SEC22C: variants seen among roughly 807,000 people sequenced by gnomAD.
The protein encoded by SEC22C is vesicle-trafficking protein SEC22c.
SEC22C carries 29 observed loss-of-function variants against 34.7 expected under a neutral mutation model. That is an observed-to-expected ratio of 0.84 (90% CI 0.62 to 1.14). The LOEUF is 1.14. Ranked by LOEUF, SEC22C falls within the 50% of genes most tolerant of loss-of-function variation. The pLI is 0.00. For synonymous variants in SEC22C, 117 were observed against 132.8 expected, an observed-to-expected ratio of 0.88 and a Z score of 0.82; for missense variants, 337 against 369.0, an observed-to-expected ratio of 0.91 and a Z score of 0.71.
chr3:42,559,729 A>AT (rs2125701582), intron 4 of SEC22C, among the ~76,000 whole-genome samples: 2 of 152,358 alleles, frequency 1.3e-5, no homozygotes, highest in South Asian at 4.1e-4. Context: ...GCCATTATAG[A>AT]ATTCTTCGAA....
At position 42,549,195 on chromosome 3, in the gene SEC22C, A is replaced by G; in HGVS notation, c.*4053T>C. The G allele has an allele frequency of 1.0e-6, 1 of 986,926 alleles. No individual in the cohort carries two copies. Among genetic ancestry groups the G allele is most frequent in the Non-Finnish European group, 1.2e-6 (1 of 830,824 alleles). 61.1% of individuals were successfully genotyped at this position (986,926 alleles called of 1,614,324 possible). A position where few individuals can be genotyped will look rare whatever the true frequency, so the allele number is the denominator to read the frequency against. ...CCAGACCTGTGCAATATTCTACACG[A>G]AAACATTTGGAATGTGAGCAATGTC... On this transcript the variant is annotated 3_prime_UTR_variant, in exon 7 of 7. Coordinates refer to ENST00000264454, the MANE Select transcript of SEC22C (RefSeq NM_032970.4).
chr3:42,554,406 G>A (rs1238949211), intron 6 of SEC22C, among the ~76,000 whole-genome samples: 1 of 152,102 alleles, frequency 6.6e-6, no homozygotes, highest in African/African-American at 2.4e-5. Context: ...ACACAGTGGC[G>A]TGATCTCAGC....
intron 2 of SEC22C, chr3:42,566,739 C>T (rs1257787544): frequency 6.8e-6 from 2 of 295,858 alleles, no homozygotes; most frequent in Non-Finnish European, 1.4e-5. Context: ...CAAGGTGGCT[C>T]ATACCTATAA....
chr3:42,549,328 C>T lies in SEC22C; in HGVS notation c.*3920G>A, dbSNP rs1452333504. ...CAAGCAGCAGGTTCTCAGAAGGCCA[C>T]TGTCCTGCATGTCACAATGAGTGGC... On this transcript the variant is annotated 3_prime_UTR_variant, in exon 7 of 7. Coordinates refer to ENST00000264454, the MANE Select transcript of SEC22C (RefSeq NM_032970.4). The T allele has an allele frequency of 2.0e-6, 2 of 985,604 alleles. No homozygotes were observed. Among genetic ancestry groups the T allele is most frequent in the African/African-American group, 3.5e-5 (2 of 57,256 alleles). The allele number at this position is 985,604 out of a possible 1,614,324, so 61.1% of individuals were successfully genotyped here.
At chr3:42,594,539 T>C (rs1254332984) in intron 1 of SEC22C, 2 of 1,592,008 alleles carry the variant, frequency 1.3e-6, no homozygotes, top group East Asian at 4.5e-5. Flanking sequence ...TAATCTTCCA[T>C]TTGGCTGTCG....
upstream of SEC22C, among the ~76,000 whole-genome samples, chr3:42,585,539 C>T (rs1035477404): frequency 1.3e-5 from 2 of 152,084 alleles, no homozygotes; most frequent in African/African-American, 2.4e-5. Context: ...TTCATTTGTC[C>T]CTCTACTTTG....
chr3:42,593,837 C>A (rs1250793811), intron 1 of SEC22C, among the ~76,000 whole-genome samples: 2 of 152,072 alleles, frequency 1.3e-5, no homozygotes, highest in East Asian at 1.9e-4. Context: ...GCCAGCTATG[C>A]AGTAGTAAGG....
intron 1 of SEC22C, among the ~76,000 whole-genome samples, chr3:42,597,555 CAAA>C (rs1240922376): frequency 1.1e-4 from 8 of 71,968 alleles, no homozygotes; most frequent in Admixed American, 6.4e-4. Flanking sequence ...GACTTTGTCT[CAAA>C]AAAAAAAAAA....
At position 42,548,864 on chromosome 3, in the gene SEC22C, T is replaced by C. The variant is rs1486727574; in HGVS notation, c.*4384A>G. 3 of 1,392,398 alleles carry C rather than the reference T, an allele frequency of 2.2e-6. No individual in the cohort carries two copies. The highest frequency in any genetic ancestry group is 2.8e-6 in the Non-Finnish European group (3 of 1,073,074). The allele number at this position is 1,392,398 out of a possible 1,614,324, so 86.3% of individuals were successfully genotyped here. A position where few individuals can be genotyped will look rare whatever the true frequency, so the allele number is the denominator to read the frequency against. On this transcript the variant is annotated 3_prime_UTR_variant, in exon 7 of 7. Transcript: ENST00000264454. ...AGCAGAAAAACCTTCATGTACCAGG[T>C]GAATGTAAAGCCTTTCTCCTCCCAC... is the stretch of plus-strand genomic sequence containing the variant.
rs563131244 is a variant in SEC22C at position 42,553,170 on chromosome 3, A to G, written c.*78T>C. ...CTGAAAAGGATGGAAACTGGAGTGTAAAGTAGAGAAGCAGAAAGAGAAACA... is the reference window on the plus strand; with the variant it reads ...CTGAAAAGGATGGAAACTGGAGTGTGAAGTAGAGAAGCAGAAAGAGAAACA... On this transcript the variant is annotated 3_prime_UTR_variant, in exon 7 of 7. Coordinates refer to ENST00000264454, the MANE Select transcript of SEC22C (RefSeq NM_032970.4). 2.2e-5 allele frequency: 34 copies of G among 1,567,570 alleles called. No individual in the cohort carries two copies. The East Asian group carries it at 7.4e-4, about 34-fold the overall frequency.
chr3:42,561,435 G>A (rs541099188), intron 3 of SEC22C, 139 bp from the exon 4 acceptor site: 8 of 792,874 alleles, frequency 1.0e-5, no homozygotes, highest in Admixed American at 4.8e-5. Flanking sequence ...CAGTGCAGTG[G>A]TGCGATCACA....
intron 2 of SEC22C, chr3:42,564,082 T>C (rs1703090413): frequency 2.1e-6 from 1 of 478,532 alleles, no homozygotes; most frequent in Non-Finnish European, 3.4e-6. Flanking sequence ...TCTAAGTTCC[T>C]ACATATTCAT....
At chr3:42,560,110 CTCTCTCTCTCTA>C (rs1365735734) in intron 4 of SEC22C, among the ~76,000 whole-genome samples, 2 of 107,654 alleles carry the variant, frequency 1.9e-5, no homozygotes, top group African/African-American at 1.0e-4. Flanking sequence ...CTCTCTCTCT[CTCTCTCTCTCTA>C]TATATATATA....
chr3:42,568,614 C>G (rs1055452557), intron 2 of SEC22C, among the ~76,000 whole-genome samples: 1 of 150,780 alleles, frequency 6.6e-6, no homozygotes, highest in Non-Finnish European at 1.5e-5. Context: ...CCACTGCACT[C>G]CAGCCTGGGT....
chr3:42,569,137 T>A, intron 1 of SEC22C, 64 bp from the exon 2 acceptor site: 1 of 1,029,752 alleles, frequency 9.7e-7, no homozygotes, highest in Non-Finnish European at 1.4e-6. Flanking sequence ...TACCCCCACC[T>A]GTGAAATGCC....
intron 1 of SEC22C, among the ~76,000 whole-genome samples, chr3:42,589,659 T>G (rs1704747063): frequency 6.6e-6 from 1 of 152,192 alleles, no homozygotes; most frequent in Non-Finnish European, 1.5e-5. Flanking sequence ...AACCCTATTG[T>G]GAACTGGACT....
chr3:42,556,600 TCAA>T (rs1295737696), intron 5 of SEC22C, among the ~76,000 whole-genome samples: 1 of 152,236 alleles, frequency 6.6e-6, no homozygotes, highest in Non-Finnish European at 1.5e-5. Flanking sequence ...CTCCTGAGGT[TCAA>T]CAACAGTCAT....
In SEC22C at chr3:42,555,370, T is replaced by C. The variant is rs1702473582; in HGVS notation, c.711+560A>G. ...TCAAAAAAAAAAAAGAAAAAAAAAG[T>C]TCAGAGATGGGGTCTTGCTATGTTG... On this transcript the variant is annotated intron_variant, in intron 6 of 6. Coordinates refer to ENST00000264454, the MANE Select transcript of SEC22C (RefSeq NM_032970.4). 6.0e-5 allele frequency among the ~76,000 whole-genome samples: 9 copies of C among 150,664 alleles called. No individual in the cohort carries two copies. In the South Asian group the frequency reaches 1.9e-3, roughly 31 times the overall value.
At chr3:42,571,071 G>A (rs77373851) in intron 1 of SEC22C, among the ~76,000 whole-genome samples, 3,502 of 152,324 alleles carry the variant, frequency 0.023, 63 homozygotes, top group African/African-American at 0.046. Context: ...AGTGTGCACT[G>A]ACTCCAACTG....
Sources: allele counts gnomAD v4.1 joint callset (sites outside exome capture counted in the v4.1 genomes callset), GRCh38; gene constraint gnomAD v4.1.1; transcripts MANE v1.5; gene names NCBI Gene and HGNC (gene_info 2026-07-23, HGNC 2026-07-21).